ZC3H15: variants seen among roughly 807,000 people sequenced by gnomAD.
ZC3H15 encodes the protein zinc finger CCCH domain-containing protein 15.
In ZC3H15, 15 loss-of-function variants were observed where a neutral mutation model predicts 51.2. The observed-to-expected ratio is 0.29, with a 90% CI of 0.20 to 0.45. ZC3H15 has a LOEUF of 0.45. Among genes scored for constraint, ZC3H15 ranks in the 20% least tolerant of loss-of-function variants. The pLI is 1.00. For missense variants in ZC3H15, 381 were observed against 494.7 expected (o/e 0.77, Z 2.18); for synonymous variants, 144 against 162.8 (o/e 0.88, Z 0.88).
At chr2:186,489,387 A>G (rs1338220218) in intron 1 of ZC3H15, among the ~76,000 whole-genome samples, 1 of 152,142 alleles carries the variant, frequency 6.6e-6, no homozygotes, top group Non-Finnish European at 1.5e-5. Flanking sequence ...AAACTTCCCT[A>G]AAAGCCTAGC....
chr2:186,504,920 T>G (rs913415837), intron 6 of ZC3H15, among the ~76,000 whole-genome samples: 2 of 152,224 alleles, frequency 1.3e-5, no homozygotes, highest in Non-Finnish European at 2.9e-5. Flanking sequence ...CTATTCATCT[T>G]TGGTAAATTC....
chr2:186,502,674 G>T (rs1390873568), intron 5 of ZC3H15, 87 bp downstream of exon 5: 6 of 1,101,750 alleles, frequency 5.4e-6, no homozygotes, highest in African/African-American at 1.6e-5. Flanking sequence ...TTTTCTATTA[G>T]ATTATTCTGT....
chr2:186,506,695 T>C lies in ZC3H15; in HGVS notation c.967-18T>C, dbSNP rs1685472281. The C allele has an allele frequency of 1.3e-6, 2 of 1,588,724 alleles. No individual in the cohort carries two copies. ...TGTTCTTATTTGTAACAACTTTCTT[T>C]TCTATATGTTGTTAAAGGTTGATGA... is the stretch of plus-strand genomic sequence containing the variant. On this transcript the variant is annotated intron_variant, in intron 8 of 9. Coordinates refer to ENST00000337859, the MANE Select transcript of ZC3H15 (RefSeq NM_018471.3).
intron 6 of ZC3H15, 86 bp downstream of exon 6, chr2:186,504,300 T>C: frequency 8.5e-7 from 1 of 1,181,162 alleles, no homozygotes; most frequent in Non-Finnish European, 1.1e-6. Context: ...GCAATAGCCT[T>C]TTATGAAAGG....
In ZC3H15 at chr2:186,501,361, T is replaced by C. The variant is rs772051670; in HGVS notation, c.378T>C (p.Thr126=). ...GDKCKFSHDL[T]LERKCEKRSV... is the part of the protein sequence containing the mutation. The stretch of plus-strand genomic sequence containing the variant: ...AGTGTAAGTTCTCCCATGACTTGAC[T>C]CTGGAGAGAAAATGTGAAAAGCGAA... Residue 126 remains threonine (T), a synonymous_variant, in exon 4 of 10, where the codon ACT becomes ACC. Transcript: ENST00000337859. 1 of 1,613,918 alleles carries C rather than the reference T, an allele frequency of 6.2e-7. No homozygotes were observed. Among genetic ancestry groups the C allele is most frequent in the Non-Finnish European group, 8.5e-7 (1 of 1,179,930 alleles).
chr2:186,496,169 GTTT>G (rs1685278371), intron 2 of ZC3H15, among the ~76,000 whole-genome samples: 1 of 152,152 alleles, frequency 6.6e-6, no homozygotes, highest in Non-Finnish European at 1.5e-5. Context: ...GATTCTGCAT[GTTT>G]TTCCTAGATC....
chr2:186,499,495 C>G (rs1358200169), intron 2 of ZC3H15: 3 of 413,456 alleles, frequency 7.3e-6, no homozygotes, highest in African/African-American at 2.1e-5. Flanking sequence ...TATGGGCATT[C>G]TTTGTTCCCA....
In ZC3H15 at chr2:186,506,702, T is replaced by C. The variant is rs371759355; in HGVS notation, c.967-11T>C. 1 of 1,595,900 alleles carries C rather than the reference T, an allele frequency of 6.3e-7. No individual in the cohort carries two copies. The highest frequency in any genetic ancestry group is 1.4e-5 in the African/African-American group (1 of 73,816). On this transcript the variant is annotated splice_polypyrimidine_tract_variant and intron_variant, in intron 8 of 9. Coordinates refer to ENST00000337859, the MANE Select transcript of ZC3H15 (RefSeq NM_018471.3). ...ATTTGTAACAACTTTCTTTTCTATA[T>C]GTTGTTAAAGGTTGATGATTCAGTG...
At chr2:186,490,744 G>A (rs1308792160) in intron 1 of ZC3H15, among the ~76,000 whole-genome samples, 5 of 152,096 alleles carry the variant, frequency 3.3e-5, no homozygotes, top group Non-Finnish European at 4.4e-5. Flanking sequence ...ATGGGATTAC[G>A]TACGGATGGG....
chr2:186,500,764 T>A, intron 3 of ZC3H15: 1 of 451,060 alleles, frequency 2.2e-6, no homozygotes. Flanking sequence ...AACCTCCGAC[T>A]GTCTGGTTCA....
Position 186,509,062 on chromosome 2 carries a change from C to A in ZC3H15, c.*329C>A, listed in dbSNP as rs1209130351. The A allele has an allele frequency of 2.1e-6, 1 of 480,004 alleles. No individual in the cohort carries two copies. Among genetic ancestry groups the A allele is most frequent in the South Asian group, 1.5e-5 (1 of 64,652 alleles). The allele number at this position is 480,004 out of a possible 1,614,324, so 29.7% of individuals were successfully genotyped here. A position where few individuals can be genotyped will look rare whatever the true frequency, so the allele number is the denominator to read the frequency against. ...TTTGGGCATGTGCTATTACCAGAAACAACAAACTTATATTTAAAATACCCT... is the reference window on the plus strand; with the variant it reads ...TTTGGGCATGTGCTATTACCAGAAAAAACAAACTTATATTTAAAATACCCT... On this transcript the variant is annotated 3_prime_UTR_variant, in exon 10 of 10. Coordinates refer to ENST00000337859, the MANE Select transcript of ZC3H15 (RefSeq NM_018471.3).
chr2:186,486,330 C>T lies in ZC3H15; in HGVS notation c.-53C>T. On this transcript the variant is annotated 5_prime_UTR_variant, in exon 1 of 10. Transcript: ENST00000337859. Reference sequence around the variant, plus strand: ...CCTCGTCCTGCCGCAGGGCCAGAACCCCTGACGGTATTCAGCTGCGCGTAA... The same window carrying T: ...CCTCGTCCTGCCGCAGGGCCAGAACTCCTGACGGTATTCAGCTGCGCGTAA... The T allele has an allele frequency of 1.3e-6, 2 of 1,493,094 alleles. No homozygotes were observed. The highest frequency in any genetic ancestry group is 1.3e-5 in the South Asian group (1 of 77,138). 92.5% of individuals were successfully genotyped at this position (1,493,094 alleles called of 1,614,324 possible).
intron 2 of ZC3H15, among the ~76,000 whole-genome samples, chr2:186,498,079 C>G (rs1289808709): frequency 6.6e-6 from 1 of 152,216 alleles, no homozygotes; most frequent in Admixed American, 6.5e-5. Flanking sequence ...TATCTGCCTA[C>G]AAAGGCCTCT....
Position 186,508,576 on chromosome 2 carries a change from C to T in ZC3H15, c.1124C>T (p.Ala375Val), listed in dbSNP as rs1403222041. Residue 375 changes from alanine (A) to valine (V), a missense_variant, in exon 10 of 10, where the codon GCT (alanine) becomes GTT (valine). Physicochemically the swap from Ala to Val is moderately conservative, Grantham distance 64. Transcript: ENST00000337859. ...NKLSEASGGRAENGERSDLEE... is the reference protein window; with the variant it reads ...NKLSEASGGRVENGERSDLEE... ...TTAAGTGAAGCTTCTGGAGGTAGGG[C>T]TGAAAATGGTGAAAGAAGTGACTTG... 1 of 1,613,734 alleles carries T rather than the reference C, an allele frequency of 6.2e-7. No homozygotes were observed. Among genetic ancestry groups the T allele is most frequent in the African/African-American group, 1.3e-5 (1 of 74,870 alleles).
intron 1 of ZC3H15, among the ~76,000 whole-genome samples, chr2:186,489,846 T>G (rs1035893342): frequency 6.6e-6 from 1 of 152,240 alleles, no homozygotes; most frequent in Non-Finnish European, 1.5e-5. Flanking sequence ...TCTATAGTTT[T>G]AGACAAGTTA....
intron 1 of ZC3H15, among the ~76,000 whole-genome samples, chr2:186,486,726 C>T (rs1262961925): frequency 6.6e-6 from 1 of 152,178 alleles, no homozygotes; most frequent in African/African-American, 2.4e-5. Flanking sequence ...AATGACCCCT[C>T]GGGACTGGCA....
chr2:186,496,300 C>T (rs1033857597), intron 2 of ZC3H15, among the ~76,000 whole-genome samples: 3 of 152,342 alleles, frequency 2.0e-5, no homozygotes, highest in Admixed American at 6.5e-5. Context: ...TCACTGCGGC[C>T]TCTGCCTCCT....
intron 9 of ZC3H15, chr2:186,507,529 T>C (rs1337289576): frequency 4.4e-6 from 2 of 455,196 alleles, no homozygotes; most frequent in African/African-American, 2.0e-5. Context: ...TACATGAAAG[T>C]ATAAATAATG....
At chr2:186,494,548 T>G (rs1685251849) in intron 1 of ZC3H15, among the ~76,000 whole-genome samples, 1 of 152,200 alleles carries the variant, frequency 6.6e-6, no homozygotes, top group Admixed American at 6.5e-5. Flanking sequence ...TACCTTGTGC[T>G]TAAGAATTAA....
Sources: allele counts gnomAD v4.1 joint callset (sites outside exome capture counted in the v4.1 genomes callset), GRCh38; gene constraint gnomAD v4.1.1; transcripts MANE v1.5; gene names NCBI Gene and HGNC (gene_info 2026-07-23, HGNC 2026-07-21).